ICA1L: variants seen among roughly 807,000 people sequenced by gnomAD.
ICA1L encodes islet cell autoantigen 1-like protein.
In ICA1L, 50 loss-of-function variants were observed where a neutral mutation model predicts 61.3. That is an observed-to-expected ratio of 0.82 (90% CI 0.65 to 1.03). ICA1L has a LOEUF of 1.03. Among genes scored for constraint, ICA1L ranks in the 50% least tolerant of loss-of-function variants. The pLI is 0.00. For synonymous variants in ICA1L, 161 were observed against 191.3 expected, an observed-to-expected ratio of 0.84 and a Z score of 1.31; for missense variants, 508 against 556.7, an observed-to-expected ratio of 0.91 and a Z score of 0.88.
intron 8 of ICA1L, 146 bp downstream of exon 8, chr2:202,814,556 G>A: frequency 3.2e-6 from 2 of 630,274 alleles, no homozygotes; most frequent in South Asian, 2.0e-5. Flanking sequence ...ACACAAAACA[G>A]ACTATGATAC....
At chr2:202,807,267 GGCA>G (rs1443764747) in intron 9 of ICA1L, among the ~76,000 whole-genome samples, 1 of 152,232 alleles carries the variant, frequency 6.6e-6, no homozygotes, top group Non-Finnish European at 1.5e-5. Context: ...ACCATCTCTT[GGCA>G]GTGGCCACAT....
intron 1 of ICA1L, among the ~76,000 whole-genome samples, chr2:202,859,355 A>T (rs980374185): frequency 2.0e-5 from 3 of 152,220 alleles, no homozygotes; most frequent in African/African-American, 7.2e-5. Flanking sequence ...CCAGGACTAC[A>T]GTAGTTGAAA....
intron 1 of ICA1L, among the ~76,000 whole-genome samples, chr2:202,859,020 C>T (rs1339731402): frequency 6.6e-6 from 1 of 152,174 alleles, no homozygotes; most frequent in Non-Finnish European, 1.5e-5. Flanking sequence ...CTTTCATCAA[C>T]CGCCCATTAA....
chr2:202,830,436 C>A (rs1457087006), intron 1 of ICA1L, among the ~76,000 whole-genome samples: 1 of 152,086 alleles, frequency 6.6e-6, no homozygotes, highest in Non-Finnish European at 1.5e-5. Context: ...AAATAACCTC[C>A]AAGAAGTTAT....
intron 1 of ICA1L, among the ~76,000 whole-genome samples, chr2:202,848,354 C>T (rs1312139790): frequency 6.6e-6 from 1 of 152,176 alleles, no homozygotes; most frequent in Non-Finnish European, 1.5e-5. Context: ...GCATGGGACT[C>T]AATCTAATAA....
At chr2:202,782,550 A>G (rs1339464041) in intron 12 of ICA1L, among the ~76,000 whole-genome samples, 1 of 151,822 alleles carries the variant, frequency 6.6e-6, no homozygotes, top group Non-Finnish European at 1.5e-5. Flanking sequence ...CTGGGACTAC[A>G]GGCGTGTGCC....
intron 12 of ICA1L, among the ~76,000 whole-genome samples, chr2:202,784,134 A>G (rs1456869750): frequency 3.3e-5 from 5 of 152,218 alleles, no homozygotes; most frequent in Admixed American, 3.3e-4. Flanking sequence ...CAATAATTTC[A>G]GTGGTGATTA....
At chr2:202,840,865 C>G (rs919325467) in intron 1 of ICA1L, 1 of 645,246 alleles carries the variant, frequency 1.5e-6, no homozygotes, top group Non-Finnish European at 2.9e-6. Context: ...TCCCAGATCT[C>G]AGTCTTTGCA....
At chr2:202,845,042 C>T (rs928899820) in intron 1 of ICA1L, among the ~76,000 whole-genome samples, 1 of 152,188 alleles carries the variant, frequency 6.6e-6, no homozygotes, top group Non-Finnish European at 1.5e-5. Context: ...TTCTATATGT[C>T]ATCACATTGT....
At chr2:202,809,270 A>G (rs1290457675) in intron 9 of ICA1L, among the ~76,000 whole-genome samples, 1 of 151,952 alleles carries the variant, frequency 6.6e-6, no homozygotes, top group African/African-American at 2.4e-5. Context: ...AACGCATCAG[A>G]GTCAACAGGA....
chr2:202,840,541 C>T (rs183533095), intron 1 of ICA1L: 1 of 549,734 alleles, frequency 1.8e-6, no homozygotes, highest in African/African-American at 1.9e-5. Flanking sequence ...CACTGGTGGT[C>T]TTCATATGGA....
At chr2:202,837,178 T>C (rs759764370) in intron 1 of ICA1L, among the ~76,000 whole-genome samples, 7 of 151,758 alleles carry the variant, frequency 4.6e-5, no homozygotes, top group Non-Finnish European at 8.8e-5. Context: ...TGATCCTTTG[T>C]ATTTCTGTGG....
intron 1 of ICA1L, among the ~76,000 whole-genome samples, chr2:202,831,041 T>G (rs1015762413): frequency 6.6e-6 from 1 of 152,066 alleles, no homozygotes; most frequent in African/African-American, 2.4e-5. Context: ...AAAATGAAAT[T>G]AGAATAGCTA....
intron 1 of ICA1L, among the ~76,000 whole-genome samples, chr2:202,842,895 C>T (rs972549553): frequency 6.6e-6 from 1 of 152,020 alleles, no homozygotes; most frequent in Non-Finnish European, 1.5e-5. Context: ...CATATTAATT[C>T]TTCTGCTTCA....
intron 1 of ICA1L, among the ~76,000 whole-genome samples, chr2:202,830,340 G>A (rs956656028): frequency 6.6e-6 from 1 of 152,074 alleles, no homozygotes; most frequent in Non-Finnish European, 1.5e-5. Context: ...CCCAGGAGGC[G>A]GAGGTTGCAG....
At chr2:202,780,331 G>A (rs893510783) in intron 12 of ICA1L, among the ~76,000 whole-genome samples, 7 of 152,252 alleles carry the variant, frequency 4.6e-5, no homozygotes, top group Admixed American at 6.5e-5. Context: ...TTTGATGTGC[G>A]CATTTTACAG....
intron 1 of ICA1L, among the ~76,000 whole-genome samples, chr2:202,855,966 C>T (rs1694757274): frequency 6.6e-6 from 1 of 150,506 alleles, no homozygotes; most frequent in South Asian, 2.1e-4. Flanking sequence ...CCCAGCTACT[C>T]AAGAGGCTGA....
chr2:202,802,038 C>T (rs1257278484), intron 9 of ICA1L, among the ~76,000 whole-genome samples: 1 of 152,042 alleles, frequency 6.6e-6, no homozygotes, highest in Non-Finnish European at 1.5e-5. Context: ...TTTAGACCCC[C>T]CAAGGACTTC....
At chr2:202,810,140 G>A (rs1693333370) in intron 9 of ICA1L, among the ~76,000 whole-genome samples, 1 of 152,190 alleles carries the variant, frequency 6.6e-6, no homozygotes, top group African/African-American at 2.4e-5. Context: ...CAAAATGTCT[G>A]GCAGTAGACT....
Sources: gnomAD v4.1 joint callset for allele counts (sites outside exome capture counted in the v4.1 genomes callset) on GRCh38, gnomAD v4.1.1 for gene constraint, MANE v1.5 for transcripts, NCBI Gene and HGNC (gene_info 2026-07-23, HGNC 2026-07-21) for gene names.